Variants in SV2C observed in about 807,000 individuals in gnomAD.
SV2C encodes the protein synaptic vesicle glycoprotein 2C.
Under a neutral mutation model 79.7 loss-of-function variants are expected in SV2C, and 49 were observed. The observed-to-expected ratio is 0.61, with a 90% CI of 0.49 to 0.78. The LOEUF is 0.78. Among genes scored for constraint, SV2C ranks in the 30% least tolerant of loss-of-function variants. The pLI is 0.00. For synonymous variants in SV2C, 334 were observed against 333.2 expected (o/e 1.00, Z -0.03); for missense variants, 833 against 912.9 (o/e 0.91, Z 1.13).
chr5:76,048,965 GAGAA>G, the SV2C span, among the ~76,000 whole-genome samples: 2,130 of 58,150 alleles, frequency 0.037, 56 homozygotes, highest in African/African-American at 0.059. Context: ...GAAAGAAAAA[GAGAA>G]AGAAAGAAAG....
At chr5:76,210,587 G>A (rs753447507) in intron 4 of SV2C, among the ~76,000 whole-genome samples, 1 of 152,172 alleles carries the variant, frequency 6.6e-6, no homozygotes, top group Non-Finnish European at 1.5e-5. Context: ...CAACCCAAAA[G>A]CTCTCCAAAC....
At chr5:76,239,998 T>A (rs1745732757) in intron 4 of SV2C, among the ~76,000 whole-genome samples, 1 of 152,244 alleles carries the variant, frequency 6.6e-6, no homozygotes, top group Non-Finnish European at 1.5e-5. Flanking sequence ...TGTCTTAAGC[T>A]AAGATGTTGG....
At chr5:75,883,864 A>C in the SV2C span, among the ~76,000 whole-genome samples, 18,774 of 151,672 alleles carry the variant, frequency 0.12, 1,353 homozygotes, top group African/African-American at 0.21. Context: ...ACAAAAAAAA[A>C]ACATTTCTTT....
the SV2C span, among the ~76,000 whole-genome samples, chr5:75,993,722 G>A: frequency 2.0e-5 from 3 of 152,004 alleles, no homozygotes; most frequent in Admixed American, 2.0e-4. Flanking sequence ...AGATTGTCTA[G>A]GTCCAAAATA....
rs368416089 is a variant in SV2C, at chr5:76,297,354, C to T, written c.1502+1412C>T. Reference sequence around the variant, plus strand: ...AGGTGTACTTTAGACACAGAATGCTCCTGGAGGAGCACACAAGAAACTGAC... The same window carrying T: ...AGGTGTACTTTAGACACAGAATGCTTCTGGAGGAGCACACAAGAAACTGAC... On this transcript the variant is annotated intron_variant, in intron 9 of 12. Coordinates refer to ENST00000502798, the MANE Select transcript of SV2C (RefSeq NM_014979.4). Among the ~76,000 whole-genome samples the T allele has an allele frequency of 1.6e-4, 25 of 152,258 alleles. No homozygotes were observed. The South Asian group carries it at 4.8e-3, about 29-fold the overall frequency.
the SV2C span, among the ~76,000 whole-genome samples, chr5:75,971,827 TGAAAGTTCA>T: frequency 6.6e-6 from 1 of 152,096 alleles, no homozygotes; most frequent in Admixed American, 6.5e-5. Flanking sequence ...AAAAACTACT[TGAAAGTTCA>T]TATGGAACCA....
At chr5:76,157,954 TA>T (rs1383117928) in intron 2 of SV2C, among the ~76,000 whole-genome samples, 1 of 151,644 alleles carries the variant, frequency 6.6e-6, no homozygotes, top group East Asian at 1.9e-4. Flanking sequence ...CTCACTGGAA[TA>T]AAATTGGTGT....
chr5:75,985,094 C>T, the SV2C span, among the ~76,000 whole-genome samples: 1 of 151,796 alleles, frequency 6.6e-6, no homozygotes, highest in East Asian at 1.9e-4. Flanking sequence ...TGGTGAGGGT[C>T]TCCGGCTGCT....
chr5:76,075,793 T>A, the SV2C span: 1 of 255,590 alleles, frequency 3.9e-6, no homozygotes, highest in East Asian at 1.1e-4. Context: ...ACTGGAAGTG[T>A]CATGTCTGGT....
chr5:76,197,667 G>C (rs1343771603), intron 3 of SV2C, among the ~76,000 whole-genome samples: 1 of 119,746 alleles, frequency 8.4e-6, no homozygotes, highest in Non-Finnish European at 1.8e-5. Flanking sequence ...TCCAGAGAGA[G>C]AGAACCAATA....
At chr5:75,891,550 T>C in the SV2C span, among the ~76,000 whole-genome samples, 4 of 152,150 alleles carry the variant, frequency 2.6e-5, no homozygotes, top group African/African-American at 9.7e-5. Context: ...TCTTAACATT[T>C]TTGAATATCT....
At chr5:75,853,607 CAAAAAAAAAA>C in the SV2C span, among the ~76,000 whole-genome samples, 1 of 28,462 alleles carries the variant, frequency 3.5e-5, no homozygotes, top group Non-Finnish European at 5.5e-5. Context: ...GACTCCGTCT[CAAAAAAAAAA>C]AAAAAAAAAA....
intron 3 of SV2C, among the ~76,000 whole-genome samples, chr5:76,200,136 T>C (rs1383142859): frequency 6.6e-6 from 1 of 152,174 alleles, no homozygotes; most frequent in African/African-American, 2.4e-5. Flanking sequence ...AGGTAATCAA[T>C]GGTGTTTTAG....
In SV2C at chr5:76,277,507, C is replaced by T. The variant is rs550223848; in HGVS notation, c.914-7655C>T. On this transcript the variant is annotated intron_variant, in intron 4 of 12. Transcript: ENST00000502798. ...ACCAGACCAAGGCTGGGCACAATGG[C>T]TCACACCTGTAACCTCAGCATTTTG... Among the ~76,000 whole-genome samples the T allele has an allele frequency of 1.8e-4, 27 of 152,344 alleles. No homozygotes were observed. In the East Asian group the frequency reaches 5.0e-3, roughly 28 times the overall value.
intron 4 of SV2C, among the ~76,000 whole-genome samples, chr5:76,224,867 C>A (rs151102803): frequency 6.6e-6 from 1 of 152,120 alleles, no homozygotes; most frequent in Admixed American, 6.5e-5. Context: ...CATAACCTAC[C>A]ATCAGAGGCA....
At chr5:76,142,140 A>G (rs984947008) in intron 2 of SV2C, among the ~76,000 whole-genome samples, 5 of 152,210 alleles carry the variant, frequency 3.3e-5, no homozygotes, top group Non-Finnish European at 5.9e-5. Flanking sequence ...TATTTCTAAC[A>G]CACATATTTG....
chr5:75,913,078 C>G, the SV2C span, among the ~76,000 whole-genome samples: 1 of 152,166 alleles, frequency 6.6e-6, no homozygotes, highest in East Asian at 1.9e-4. Flanking sequence ...GTAAACCATG[C>G]CACAGGAATA....
In SV2C at chr5:76,298,811, TC is replaced by T. The variant is rs2112519529; in HGVS notation, c.1521del (p.Phe507LeufsTer4). ...YDNGRFIGVK[F>X]KSVTFKDSVF... ...TTGGGCAGATTCATAGGGGTCAAGT[TC>T]AAATCTGTAACTTTCAAAGACTCTG... On this transcript the variant is annotated frameshift_variant, in exon 10 of 13. Transcript: ENST00000502798. LOFTEE classifies it high-confidence loss of function. The T allele has an allele frequency of 1.9e-6, 3 of 1,613,912 alleles. No homozygotes were observed. The highest frequency in any genetic ancestry group is 2.5e-6 in the Non-Finnish European group (3 of 1,179,816).
At chr5:76,281,366 C>T in intron 4 of SV2C, 1 of 255,488 alleles carries the variant, frequency 3.9e-6, no homozygotes, top group Non-Finnish European at 7.7e-6. Flanking sequence ...TGTCTATATG[C>T]CTTTTTTAAA....
Sources: allele counts gnomAD v4.1 joint callset (sites outside exome capture counted in the v4.1 genomes callset), GRCh38; gene constraint gnomAD v4.1.1; transcripts MANE v1.5; gene names NCBI Gene and HGNC (gene_info 2026-07-23, HGNC 2026-07-21).